The following SCAPER variants were observed in gnomAD, a reference collection of about 807,000 sequenced individuals.
SCAPER encodes S-phase cyclin A associated protein in the ER.
Under a neutral mutation model 182.2 loss-of-function variants are expected in SCAPER, and 98 were observed. The observed-to-expected ratio is 0.54, with a 90% CI of 0.46 to 0.64. SCAPER has a LOEUF of 0.64. SCAPER is among the 30% of genes least tolerant of loss of function. The pLI, the probability that SCAPER is intolerant of heterozygous loss-of-function variation, is 0.00. For synonymous variants in SCAPER, 605 were observed against 564.6 expected, an observed-to-expected ratio of 1.07 and a Z score of -1.01; for missense variants, 1,432 against 1,690.0, an observed-to-expected ratio of 0.85 and a Z score of 2.68.
At position 76,451,924 on chromosome 15, in the gene SCAPER, G is replaced by T. The variant is rs78489389; in HGVS notation, c.3079-17614C>A. On this transcript the variant is annotated intron_variant, in intron 25 of 31. Transcript: ENST00000563290. ...AGGGTATTGGGAAAGGTCTAATCAG[G>T]GTTTCTCTGTATTTGCCATTCTAAT... Among the ~76,000 whole-genome samples the T allele has an allele frequency of 9.0e-3, 1,367 of 152,162 alleles. 22 individuals are homozygous for T. The highest frequency in any genetic ancestry group is 0.032 in the African/African-American group (1,328 of 41,510).
intron 26 of SCAPER, among the ~76,000 whole-genome samples, chr15:76,427,132 G>A (rs2046492468): frequency 6.6e-6 from 1 of 152,020 alleles, no homozygotes; most frequent in African/African-American, 2.4e-5. Context: ...AAAACACAGA[G>A]GAAATGTTTC....
In SCAPER at chr15:76,469,895, A is replaced by AT. The variant is rs557877183; in HGVS notation, c.3078+1316dup. Reference sequence around the variant, plus strand: ...CTGCCTTTCAAATATTTCTGATAGAATTTTTTTTTTGCTAAAATATCTTAC... The same window carrying AT: ...CTGCCTTTCAAATATTTCTGATAGAATTTTTTTTTTTGCTAAAATATCTTAC... On this transcript the variant is annotated intron_variant, in intron 25 of 31. Coordinates refer to ENST00000563290, the MANE Select transcript of SCAPER (RefSeq NM_020843.4). Among the ~76,000 whole-genome samples, 851 of 149,856 alleles carry AT rather than the reference A, an allele frequency of 5.7e-3. 13 individuals are homozygous for AT. Among genetic ancestry groups the AT allele is most frequent in the African/African-American group, 0.019 (789 of 40,808 alleles).
intron 2 of SCAPER, among the ~76,000 whole-genome samples, chr15:76,871,701 C>T (rs1272982811): frequency 6.6e-6 from 1 of 151,250 alleles, no homozygotes; most frequent in Non-Finnish European, 1.5e-5. Context: ...AGCAATTCTC[C>T]TGCTTCAGCC....
At chr15:76,412,104 T>C (rs927786651) in intron 26 of SCAPER, among the ~76,000 whole-genome samples, 2 of 152,180 alleles carry the variant, frequency 1.3e-5, no homozygotes, top group African/African-American at 4.8e-5. Flanking sequence ...TTCTTCCATA[T>C]GGATATCCAG....
chr15:76,509,736 A>T (rs2041876457), intron 23 of SCAPER, among the ~76,000 whole-genome samples: 1 of 152,148 alleles, frequency 6.6e-6, no homozygotes, highest in Non-Finnish European at 1.5e-5. Flanking sequence ...TAAAAATCAC[A>T]TGGAACCAAA....
intron 25 of SCAPER, among the ~76,000 whole-genome samples, chr15:76,463,355 C>T (rs2049340986): frequency 6.6e-6 from 1 of 151,906 alleles, no homozygotes; most frequent in African/African-American, 2.4e-5. Context: ...CAACAGGCAC[C>T]TGGATGGCTC....
At chr15:76,798,014 A>G (rs1399808329) in intron 7 of SCAPER, among the ~76,000 whole-genome samples, 1 of 152,082 alleles carries the variant, frequency 6.6e-6, no homozygotes, top group Non-Finnish European at 1.5e-5. Flanking sequence ...GGAAGCCCGG[A>G]CATTGGGCTT....
chr15:76,857,096 A>T (rs542708214), intron 4 of SCAPER, among the ~76,000 whole-genome samples: 7 of 152,156 alleles, frequency 4.6e-5, no homozygotes, highest in Non-Finnish European at 8.8e-5. Context: ...ACTGGCAAAC[A>T]TTGAAGGCAT....
At chr15:76,755,482 A>C (rs1247936907) in intron 14 of SCAPER, among the ~76,000 whole-genome samples, 2 of 152,222 alleles carry the variant, frequency 1.3e-5, no homozygotes, top group African/African-American at 4.8e-5. Context: ...ATGCATATTT[A>C]TATTCCTTTC....
chr15:76,502,230 G>T (rs1486763639), intron 24 of SCAPER, among the ~76,000 whole-genome samples: 1 of 152,026 alleles, frequency 6.6e-6, no homozygotes, highest in Non-Finnish European at 1.5e-5. Flanking sequence ...TAATCCTTTG[G>T]GTATACAGCC....
Position 76,766,915 on chromosome 15 carries a change from C to T in SCAPER, c.1419+3G>A, listed in dbSNP as rs1160211878. 1 of 1,583,766 alleles carries T rather than the reference C, an allele frequency of 6.3e-7. No homozygotes were observed. Among genetic ancestry groups the T allele is most frequent in the Admixed American group, 2.0e-5 (1 of 50,012 alleles). ...AGTTATGTTAAAAAGTCTAAAAGCTCACAGAAAAATCACTGTCGTTGTCAG... is the reference window on the plus strand; with the variant it reads ...AGTTATGTTAAAAAGTCTAAAAGCTTACAGAAAAATCACTGTCGTTGTCAG... On this transcript the variant is annotated splice_donor_region_variant and intron_variant, in intron 11 of 31. Coordinates refer to ENST00000563290, the MANE Select transcript of SCAPER (RefSeq NM_020843.4).
In SCAPER at chr15:76,501,688, C is replaced by T. The variant is rs79507829; in HGVS notation, c.2954+3171G>A. Among the ~76,000 whole-genome samples, 1,241 of 152,270 alleles carry T rather than the reference C, an allele frequency of 8.1e-3. 12 individuals carry two copies. The highest frequency in any genetic ancestry group is 0.028 in the African/African-American group (1,177 of 41,542). The stretch of plus-strand genomic sequence containing the variant: ...CTCCTTAGGTAAAAGCCATGAAATG[C>T]CACAGGAGGCAGGAAACAGCAAGGG... On this transcript the variant is annotated intron_variant, in intron 24 of 31. Coordinates refer to ENST00000563290, the MANE Select transcript of SCAPER (RefSeq NM_020843.4).
chr15:76,602,792 T>A (rs1198225704), intron 22 of SCAPER, among the ~76,000 whole-genome samples: 1 of 119,976 alleles, frequency 8.3e-6, no homozygotes, highest in Non-Finnish European at 2.0e-5. Context: ...GTTTTTCAAT[T>A]TTGGAAGTTA....
chr15:76,560,993 C>A (rs766201447), intron 23 of SCAPER, among the ~76,000 whole-genome samples: 6 of 152,138 alleles, frequency 3.9e-5, no homozygotes, highest in Non-Finnish European at 8.8e-5. Flanking sequence ...CAGCTAGCAT[C>A]AGGATCCATA....
At chr15:76,605,101 C>T (rs374369949) in intron 22 of SCAPER, among the ~76,000 whole-genome samples, 1 of 152,076 alleles carries the variant, frequency 6.6e-6, no homozygotes, top group African/African-American at 2.4e-5. Context: ...GTCTTGTGCC[C>T]GTTTTCAAAG....
At chr15:76,820,584 T>C (rs1186212111) in intron 5 of SCAPER, among the ~76,000 whole-genome samples, 1 of 106,564 alleles carries the variant, frequency 9.4e-6, no homozygotes, top group Non-Finnish European at 1.8e-5. Context: ...CACTGGGGAC[T>C]GTTGTGGGTT....
intron 23 of SCAPER, among the ~76,000 whole-genome samples, chr15:76,552,261 A>G (rs946126326): frequency 6.6e-6 from 1 of 152,180 alleles, no homozygotes; most frequent in Non-Finnish European, 1.5e-5. Context: ...CACCTGGGCA[A>G]GAGAATGAGA....
intron 23 of SCAPER, among the ~76,000 whole-genome samples, chr15:76,557,579 C>T (rs543565756): frequency 7.1e-4 from 108 of 152,274 alleles, no homozygotes; most frequent in African/African-American, 2.1e-3. Context: ...CTCTCTCTCT[C>T]GGCTCCTGCT....
chr15:76,876,154 G>A (rs914149695), intron 2 of SCAPER, among the ~76,000 whole-genome samples: 6 of 151,968 alleles, frequency 3.9e-5, no homozygotes, highest in African/African-American at 7.3e-5. Context: ...TAGCTGGCCC[G>A]CAAGCGCCAC....
Sources: allele counts gnomAD v4.1 joint callset (sites outside exome capture counted in the v4.1 genomes callset), GRCh38; gene constraint gnomAD v4.1.1; transcripts MANE v1.5; gene names NCBI Gene and HGNC (gene_info 2026-07-23, HGNC 2026-07-21).